The following IFNAR2 variants were observed in gnomAD, a reference collection of about 807,000 sequenced individuals.
IFNAR2 encodes interferon alpha/beta receptor 2.
In IFNAR2, 30 loss-of-function variants were observed where a neutral mutation model predicts 49.4. The ratio of observed to expected loss-of-function variants is 0.61; its 90% CI spans 0.45 to 0.82. IFNAR2 has a LOEUF of 0.82. Among genes scored for constraint, IFNAR2 ranks in the 40% least tolerant of loss-of-function variants. The probability of loss-of-function intolerance (pLI) is 0.00; values close to 1 mark genes in which losing one functional copy is unlikely to be tolerated. For synonymous variants in IFNAR2, 224 were observed against 234.5 expected, an observed-to-expected ratio of 0.96 and a Z score of 0.41; for missense variants, 600 against 622.7, an observed-to-expected ratio of 0.96 and a Z score of 0.39.
Position 33,248,706 on chromosome 21 carries a change from C to T in IFNAR2, c.395-3C>T, listed in dbSNP as rs1283611878. Reference sequence around the variant, plus strand: ...TTCCTGTCTGTTTTTGTTTTTTGCACAGTGTCTTTTGAACCACCAGAGTTT... The same window carrying T: ...TTCCTGTCTGTTTTTGTTTTTTGCATAGTGTCTTTTGAACCACCAGAGTTT... On this transcript the variant is annotated splice_polypyrimidine_tract_variant and splice_region_variant and intron_variant, in intron 5 of 8. Transcript: ENST00000342136. 1.6e-5 allele frequency: 26 copies of T among 1,596,478 alleles called. No individual in the cohort carries two copies. Among genetic ancestry groups the T allele is most frequent in the Non-Finnish European group, 2.1e-5 (25 of 1,173,030 alleles).
At chr21:33,254,510 A>G (rs900965643) in intron 7 of IFNAR2, among the ~76,000 whole-genome samples, 5 of 152,164 alleles carry the variant, frequency 3.3e-5, no homozygotes, top group African/African-American at 4.8e-5. Flanking sequence ...TTCCTGATCC[A>G]AGAGAGAATT....
chr21:33,253,256 C>CT (rs1446531928), intron 7 of IFNAR2, among the ~76,000 whole-genome samples: 1 of 152,170 alleles, frequency 6.6e-6, no homozygotes, highest in African/African-American at 2.4e-5. Flanking sequence ...GGCATCAGCT[C>CT]TCGCTCATAG....
At chr21:33,253,516 G>A (rs1450825541) in intron 7 of IFNAR2, among the ~76,000 whole-genome samples, 5 of 152,104 alleles carry the variant, frequency 3.3e-5, no homozygotes, top group East Asian at 1.9e-4. Flanking sequence ...TGTCCCAACC[G>A]CAGTGTTAGG....
At chr21:33,244,016 TG>T in intron 3 of IFNAR2, among the ~76,000 whole-genome samples, 1 of 152,320 alleles carries the variant, frequency 6.6e-6, no homozygotes, top group South Asian at 2.1e-4. Flanking sequence ...AAATAAAAAA[TG>T]GCCCAGAAAT....
intron 4 of IFNAR2, among the ~76,000 whole-genome samples, chr21:33,245,331 CA>C (rs1987319495): frequency 6.6e-6 from 1 of 152,266 alleles, no homozygotes. Flanking sequence ...CCAATTTCTA[CA>C]GGTCAGAACC....
At chr21:33,246,227 C>T (rs1292754545) in intron 4 of IFNAR2, among the ~76,000 whole-genome samples, 2 of 152,126 alleles carry the variant, frequency 1.3e-5, no homozygotes, top group Admixed American at 6.5e-5. Flanking sequence ...CCCGCCACCA[C>T]GCCCAGCTAA....
intron 6 of IFNAR2, among the ~76,000 whole-genome samples, chr21:33,250,508 A>G (rs528545802): frequency 6.6e-6 from 1 of 152,250 alleles, no homozygotes; most frequent in South Asian, 2.1e-4. Context: ...GAGTAGTGAG[A>G]GGCCATCAAA....
In IFNAR2 at chr21:33,243,601, G is replaced by C. The variant is rs1987158357; in HGVS notation, c.56-72G>C. 8.4e-6 allele frequency: 11 copies of C among 1,309,730 alleles called. No individual in the cohort carries two copies. The East Asian group carries it at 1.6e-4, about 19-fold the overall frequency. The allele number at this position is 1,309,730 out of a possible 1,614,324, so 81.1% of individuals were successfully genotyped here. On this transcript the variant is annotated intron_variant, in intron 2 of 8. Transcript: ENST00000342136. ...AATAAATGTGTGTTAAAGAATGTCAGACTTAGAGTAATCATTGCAAGTTGA... is the reference window on the plus strand; with the variant it reads ...AATAAATGTGTGTTAAAGAATGTCACACTTAGAGTAATCATTGCAAGTTGA...
chr21:33,245,847 A>G (rs555961661), intron 4 of IFNAR2, among the ~76,000 whole-genome samples: 3 of 152,276 alleles, frequency 2.0e-5, no homozygotes, highest in East Asian at 3.9e-4. Flanking sequence ...TTTTCTCTGC[A>G]TTGAGTGGTC....
Position 33,232,853 on chromosome 21 carries a change from C to G in IFNAR2, c.-84+2637C>G, listed in dbSNP as rs374052395. 205 of 276,558 alleles carry G rather than the reference C, an allele frequency of 7.4e-4. 3 individuals carry two copies. The South Asian group carries it at 0.028, about 37-fold the overall frequency. 17.1% of individuals were successfully genotyped at this position (276,558 alleles called of 1,614,324 possible). A position where few individuals can be genotyped will look rare whatever the true frequency, so the allele number is the denominator to read the frequency against. ...TCAGATAAAGTTGTGGAAAGGAAGTCGAGGTTTCACTCTGCCATATCAGTA... is the reference window on the plus strand; with the variant it reads ...TCAGATAAAGTTGTGGAAAGGAAGTGGAGGTTTCACTCTGCCATATCAGTA... On this transcript the variant is annotated intron_variant, in intron 1 of 8. Coordinates refer to ENST00000342136, the MANE Select transcript of IFNAR2 (RefSeq NM_001289125.3).
At chr21:33,252,554 G>T (rs1421065238) in intron 6 of IFNAR2, 108 bp from the exon 7 acceptor site, 2 of 1,470,612 alleles carry the variant, frequency 1.4e-6, no homozygotes, top group Admixed American at 2.8e-5. Context: ...TACCAAGCCT[G>T]TGATAAATCT....
At chr21:33,251,937 G>A (rs551705975) in intron 6 of IFNAR2, 6 of 178,434 alleles carry the variant, frequency 3.4e-5, no homozygotes, top group African/African-American at 7.1e-5. Flanking sequence ...ACAAAAATTA[G>A]CCAGGCATGG....
intron 8 of IFNAR2, among the ~76,000 whole-genome samples, chr21:33,261,796 A>G (rs946959656): frequency 6.6e-6 from 1 of 152,146 alleles, no homozygotes; most frequent in African/African-American, 2.4e-5. Context: ...GGATTGCTTG[A>G]GCCCAGGAGG....
intron 1 of IFNAR2, among the ~76,000 whole-genome samples, chr21:33,238,359 A>T (rs1020271189): frequency 3.9e-5 from 6 of 152,192 alleles, no homozygotes; most frequent in African/African-American, 1.4e-4. Flanking sequence ...CCAGCCACAG[A>T]CAGTCGCCAC....
chr21:33,238,892 A>G (rs7280479), intron 1 of IFNAR2, among the ~76,000 whole-genome samples: 18,511 of 152,254 alleles, frequency 0.12, 1,350 homozygotes, highest in African/African-American at 0.2. Context: ...CTATGAAAAG[A>G]TGAAGGTGTT....
intron 1 of IFNAR2, among the ~76,000 whole-genome samples, chr21:33,239,266 C>G (rs12482060): frequency 0.32 from 48,238 of 152,012 alleles, 8,286 homozygotes; most frequent in East Asian, 0.58. Flanking sequence ...ATGGGGAGCC[C>G]CAAATAAGAG....
At chr21:33,253,622 AG>A (rs1379104987) in intron 7 of IFNAR2, among the ~76,000 whole-genome samples, 1 of 152,242 alleles carries the variant, frequency 6.6e-6, no homozygotes, top group African/African-American at 2.4e-5. Context: ...CAAGTTTATT[AG>A]GAAAGTAAAG....
At chr21:33,252,964 G>A in intron 7 of IFNAR2, 134 bp downstream of exon 7, 1 of 767,492 alleles carries the variant, frequency 1.3e-6, no homozygotes, top group Non-Finnish European at 2.3e-6. Flanking sequence ...ACCTCACAGA[G>A]ATGTTTTCTG....
chr21:33,242,622 A>G (rs1212084247), intron 2 of IFNAR2, among the ~76,000 whole-genome samples: 1 of 145,338 alleles, frequency 6.9e-6, no homozygotes, highest in African/African-American at 2.6e-5. Flanking sequence ...AGTCCCAGCT[A>G]CTTGGGAGGC....
Sources: gnomAD v4.1 joint callset for allele counts (sites outside exome capture counted in the v4.1 genomes callset) on GRCh38, gnomAD v4.1.1 for gene constraint, MANE v1.5 for transcripts, NCBI Gene and HGNC (gene_info 2026-07-23, HGNC 2026-07-21) for gene names.